OXCT1: variants seen among roughly 807,000 people sequenced by gnomAD.
OXCT1 encodes 3-oxoacid CoA-transferase 1.
A neutral mutation model predicts 69.6 loss-of-function variants in OXCT1; 27 were observed. The ratio of observed to expected loss-of-function variants is 0.39; its 90% CI spans 0.29 to 0.54. The LOEUF (loss-of-function observed/expected upper bound fraction) is 0.54, where lower values mean the gene tolerates loss of function less well. Among genes scored for constraint, OXCT1 ranks in the 20% least tolerant of loss-of-function variants. OXCT1 has a pLI of 0.72. For synonymous variants in OXCT1, 202 were observed against 217.8 expected, an observed-to-expected ratio of 0.93 and a Z score of 0.64; for missense variants, 437 against 650.2, an observed-to-expected ratio of 0.67 and a Z score of 3.57.
intron 14 of OXCT1, among the ~76,000 whole-genome samples, chr5:41,753,465 G>C (rs954816662): frequency 7.2e-5 from 11 of 152,106 alleles, no homozygotes; most frequent in African/African-American, 2.7e-4. Flanking sequence ...TTTTGTTCAT[G>C]CTGCCTGTTA....
intron 7 of OXCT1, among the ~76,000 whole-genome samples, chr5:41,817,088 A>G (rs575423153): frequency 2.6e-5 from 4 of 152,294 alleles, no homozygotes; most frequent in Admixed American, 6.5e-5. Flanking sequence ...ACTCAACACC[A>G]TATTTGAAAA....
At chr5:41,836,181 G>A (rs1445422950) in intron 7 of OXCT1, among the ~76,000 whole-genome samples, 1 of 152,182 alleles carries the variant, frequency 6.6e-6, no homozygotes, top group Non-Finnish European at 1.5e-5. Flanking sequence ...ACTTGAACTT[G>A]TAAAGTTTAT....
chr5:41,749,719 G>C (rs1032524465), intron 14 of OXCT1, 112 bp from the exon 15 acceptor site: 1 of 719,748 alleles, frequency 1.4e-6, no homozygotes, highest in African/African-American at 1.8e-5. Context: ...CCTAAGTAAA[G>C]ACTCTTTCAG....
At chr5:41,764,954 C>CT (rs1270915524) in intron 13 of OXCT1, among the ~76,000 whole-genome samples, 2 of 152,166 alleles carry the variant, frequency 1.3e-5, no homozygotes, top group African/African-American at 2.4e-5. Context: ...GGTTTTTCTG[C>CT]TTTTAGTGTG....
intron 7 of OXCT1, among the ~76,000 whole-genome samples, chr5:41,835,759 A>G (rs879087482): frequency 2.6e-5 from 4 of 152,220 alleles, no homozygotes; most frequent in Admixed American, 2.6e-4. Context: ...GCCTGACAGC[A>G]CAAAGAAATC....
At chr5:41,736,137 G>A (rs1742873645) in intron 16 of OXCT1, among the ~76,000 whole-genome samples, 1 of 152,220 alleles carries the variant, frequency 6.6e-6, no homozygotes, top group Non-Finnish European at 1.5e-5. Context: ...AAACAGCAAA[G>A]TCCCTATCGT....
intron 3 of OXCT1, among the ~76,000 whole-genome samples, chr5:41,860,821 C>A (rs1561136312): frequency 6.6e-6 from 1 of 151,978 alleles, no homozygotes. Flanking sequence ...GCTGCATATC[C>A]ACCTTCCAAG....
rs927614068 is a variant in OXCT1, at chr5:41,731,553, T to C, written c.*176A>G. On this transcript the variant is annotated 3_prime_UTR_variant, in exon 17 of 17. Coordinates refer to ENST00000196371, the MANE Select transcript of OXCT1 (RefSeq NM_000436.4). ...TTATAAATGCTCCTTTTGCTTTTTA[T>C]TAAAATGTCACAGCATGCCTAGAGA... 5 of 1,042,696 alleles carry C rather than the reference T, an allele frequency of 4.8e-6. No individual in the cohort carries two copies. The Admixed American group carries it at 1.1e-4, about 24-fold the overall frequency. The allele number at this position is 1,042,696 out of a possible 1,614,324, so 64.6% of individuals were successfully genotyped here. A position where few individuals can be genotyped will look rare whatever the true frequency, so the allele number is the denominator to read the frequency against.
At chr5:41,787,384 A>G (rs1216481023) in intron 13 of OXCT1, among the ~76,000 whole-genome samples, 4 of 152,148 alleles carry the variant, frequency 2.6e-5, no homozygotes, top group African/African-American at 9.7e-5. Context: ...AATTTCCCCC[A>G]GCTTACTGCC....
At chr5:41,805,149 G>T (rs181755809) in intron 9 of OXCT1, among the ~76,000 whole-genome samples, 16 of 151,918 alleles carry the variant, frequency 1.1e-4, no homozygotes, top group Non-Finnish European at 2.2e-4. Context: ...AGAATAAAAG[G>T]GTTGTTAAGA....
chr5:41,863,432 C>T (rs1034713395), intron 1 of OXCT1, among the ~76,000 whole-genome samples: 1 of 152,060 alleles, frequency 6.6e-6, no homozygotes, highest in Non-Finnish European at 1.5e-5. Flanking sequence ...AATTATGTAT[C>T]CTTTGACCAA....
chr5:41,867,051 C>A (rs937978389), intron 1 of OXCT1, among the ~76,000 whole-genome samples: 4 of 152,164 alleles, frequency 2.6e-5, no homozygotes, highest in Admixed American at 6.5e-5. Context: ...GCCTTACAGA[C>A]CACACTGCAG....
In OXCT1 at chr5:41,802,946, TAACCAA is replaced by T. The variant is rs1026726969; in HGVS notation, c.1050+117_1050+122del. On this transcript the variant is annotated intron_variant, in intron 10 of 16. Transcript: ENST00000196371. ...TTCAGCATTATACAATTTATCCATG[TAACCAA>T]AAATCACTTGCACCCTAAAAGCTAT... 3.8e-5 allele frequency: 27 copies of T among 718,868 alleles called. No homozygotes were observed. The African/African-American group carries it at 4.7e-4, about 12-fold the overall frequency. 44.5% of individuals were successfully genotyped at this position (718,868 alleles called of 1,614,324 possible).
chr5:41,859,891 T>TATATATATATATATATTTGTA (rs1561135685), intron 3 of OXCT1, among the ~76,000 whole-genome samples: 1 of 114,214 alleles, frequency 8.8e-6, no homozygotes, highest in Non-Finnish European at 1.9e-5. Flanking sequence ...ATATATGTAA[T>TATATATATATATATATTTGTA]ATATATATAT....
chr5:41,845,117 T>C (rs982376336), intron 5 of OXCT1, among the ~76,000 whole-genome samples: 1 of 152,154 alleles, frequency 6.6e-6, no homozygotes, highest in Non-Finnish European at 1.5e-5. Flanking sequence ...TCCATCCTTA[T>C]CACTCTCTGC....
At chr5:41,743,698 G>A (rs1408799336) in intron 15 of OXCT1, among the ~76,000 whole-genome samples, 2 of 152,110 alleles carry the variant, frequency 1.3e-5, no homozygotes, top group Non-Finnish European at 2.9e-5. Context: ...TTCTACATAT[G>A]GCTAGCCAGT....
intron 4 of OXCT1, among the ~76,000 whole-genome samples, chr5:41,852,282 C>T (rs999381607): frequency 1.4e-4 from 21 of 152,232 alleles, no homozygotes; most frequent in African/African-American, 5.1e-4. Context: ...GTACAGGTAA[C>T]GGTGCTATAG....
rs1017986357 is a variant in OXCT1 at position 41,809,234 on chromosome 5, T to C, written c.733-1796A>G. ...GCTAAGAATTGTTATCTCTGGGTAA[T>C]AGTACAAGTGGTTTTTGTTTTCCTT... is the stretch of plus-strand genomic sequence containing the variant. On this transcript the variant is annotated intron_variant, in intron 7 of 16. Transcript: ENST00000196371. 3.3e-5 allele frequency among the ~76,000 whole-genome samples: 5 copies of C among 152,114 alleles called. No homozygotes were observed. The Middle Eastern group carries it at 0.01, about 310-fold the overall frequency.
chr5:41,847,882 C>A (rs1317190010), intron 5 of OXCT1, among the ~76,000 whole-genome samples: 15 of 149,730 alleles, frequency 1.0e-4, no homozygotes, highest in Admixed American at 9.3e-4. Context: ...GACAGGGATG[C>A]CCTCTCTCAC....
Sources: gnomAD v4.1 joint callset for allele counts (sites outside exome capture counted in the v4.1 genomes callset) on GRCh38, gnomAD v4.1.1 for gene constraint, MANE v1.5 for transcripts, NCBI Gene and HGNC (gene_info 2026-07-23, HGNC 2026-07-21) for gene names.